Variants in TTBK2 observed in about 807,000 individuals in gnomAD.
The protein encoded by TTBK2 is tau tubulin kinase 2, also known as tau-tubulin kinase 2.
In TTBK2, 28 loss-of-function variants were observed where a neutral mutation model predicts 110.8. The observed-to-expected ratio is 0.25, with a 90% CI of 0.19 to 0.35. The LOEUF (loss-of-function observed/expected upper bound fraction) is 0.35. TTBK2 is among the 10% of genes least tolerant of loss of function. TTBK2 has a pLI of 1.00. For synonymous variants in TTBK2, 532 were observed against 527.3 expected, an observed-to-expected ratio of 1.01 and a Z score of -0.12; for missense variants, 1,369 against 1,500.3, an observed-to-expected ratio of 0.91 and a Z score of 1.45.
At chr15:42,885,686 C>A in intron 1 of TTBK2, among the ~76,000 whole-genome samples, 1 of 152,090 alleles carries the variant, frequency 6.6e-6, no homozygotes, top group South Asian at 2.1e-4. Context: ...GGTGTCTCTA[C>A]CCCTTCTCCA....
Position 42,775,407 on chromosome 15 carries a change from C to T in TTBK2, c.1726G>A (p.Gly576Arg). The T allele has an allele frequency of 6.2e-7, 1 of 1,614,186 alleles. No homozygotes were observed. Among genetic ancestry groups the T allele is most frequent in the Non-Finnish European group, 8.5e-7 (1 of 1,180,036 alleles). Residue 576 changes from glycine to arginine, a missense_variant, in exon 13 of 15, where the codon GGA (glycine) becomes AGA (arginine). Physicochemically the swap from Gly to Arg is moderately radical, Grantham distance 125. This residue lies in a region of TTBK2 where 1,097 missense variants were observed against 1,114.7 expected (regional missense o/e 0.98). Coordinates refer to ENST00000267890, the MANE Select transcript of TTBK2 (RefSeq NM_173500.4). ...TNEAVGHKTT[G>R]SPSDEEPEVL... ...TCAGGCTCCTCATCAGAAGGACTTC[C>T]AGTTGTTTTATGTCCTACAGCCTCA...
chr15:42,764,549 G>C (rs1197458433), intron 13 of TTBK2, among the ~76,000 whole-genome samples: 1 of 152,276 alleles, frequency 6.6e-6, no homozygotes, highest in Non-Finnish European at 1.5e-5. Flanking sequence ...CAGCCTGGCA[G>C]GGGGAGGGGC....
Position 42,899,816 on chromosome 15 carries a change from C to A in TTBK2, c.-68+20622G>T, listed in dbSNP as rs531509330. ...ACTCAGGAGGCTGAGGCAGGAGAAT[C>A]GCTTGAATCCAGGAGGCGGAGGTTG... On this transcript the variant is annotated intron_variant, in intron 1 of 14. Coordinates refer to ENST00000267890, the MANE Select transcript of TTBK2 (RefSeq NM_173500.4). Among the ~76,000 whole-genome samples the A allele has an allele frequency of 7.9e-5, 12 of 150,948 alleles. No homozygotes were observed. The South Asian group carries it at 2.6e-3, about 32-fold the overall frequency.
chr15:42,807,070 G>A (rs1891499805), intron 9 of TTBK2, among the ~76,000 whole-genome samples: 1 of 152,092 alleles, frequency 6.6e-6, no homozygotes, highest in South Asian at 2.1e-4. Context: ...CAGAGTCAGA[G>A]GATCCTACAA....
Position 42,752,077 on chromosome 15 carries a change from C to A in TTBK2, c.3169G>T (p.Val1057Phe), listed in dbSNP as rs749779791. 12 of 1,614,192 alleles carry A rather than the reference C, an allele frequency of 7.4e-6. No individual in the cohort carries two copies. The highest frequency in any genetic ancestry group is 7.6e-6 in the Non-Finnish European group (9 of 1,180,036). Reference sequence around the variant, plus strand: ...ACCTGATCTGTGTTGACCCATGAAACTGGCCTTGGAATTTTGCTCTTTCTA... The same window carrying A: ...ACCTGATCTGTGTTGACCCATGAAAATGGCCTTGGAATTTTGCTCTTTCTA... ...QSRKSKIPRP[V>F]SWVNTDQVNS... is the part of the protein sequence containing the mutation. Residue 1057 changes from valine (V) to phenylalanine (F), a missense_variant, in exon 14 of 15, where the codon GTT becomes TTT. Physicochemically the swap from Val to Phe is conservative, Grantham distance 50. Around this residue, in one of 4 missense-constraint regions of TTBK2, gnomAD observed 1,097 missense variants for 1,114.7 expected, o/e 0.98. Transcript: ENST00000267890.
chr15:42,831,617 A>C (rs1273040725), intron 4 of TTBK2, among the ~76,000 whole-genome samples: 1 of 152,178 alleles, frequency 6.6e-6, no homozygotes, highest in Non-Finnish European at 1.5e-5. Flanking sequence ...TTAATCTGTT[A>C]ATGTAAAGCT....
chr15:42,864,774 T>C (rs1894299573), intron 3 of TTBK2, among the ~76,000 whole-genome samples: 1 of 152,006 alleles, frequency 6.6e-6, no homozygotes, highest in Non-Finnish European at 1.5e-5. Flanking sequence ...TAATATAGGG[T>C]AGAAACCCAG....
In TTBK2 at chr15:42,743,200, C is replaced by T. The variant is rs1352286437; in HGVS notation, c.*2595G>A. 2.6e-5 allele frequency: 4 copies of T among 152,156 alleles called. No individual in the cohort carries two copies. The highest frequency in any genetic ancestry group is 4.8e-5 in the African/African-American group (2 of 41,430). 9.4% of individuals were successfully genotyped at this position (152,156 alleles called of 1,614,324 possible). ...ACATGCAAAATAAAATATTCTTAAACGATGGACTGTTTATCTCTGGATCTT... is the reference window on the plus strand; with the variant it reads ...ACATGCAAAATAAAATATTCTTAAATGATGGACTGTTTATCTCTGGATCTT... On this transcript the variant is annotated 3_prime_UTR_variant, in exon 15 of 15. Transcript: ENST00000267890.
At chr15:42,848,213 T>TC (rs1893547553) in intron 3 of TTBK2, among the ~76,000 whole-genome samples, 1 of 152,172 alleles carries the variant, frequency 6.6e-6, no homozygotes, top group East Asian at 1.9e-4. Context: ...TGATTTTTTT[T>TC]CCAACATTCT....
At chr15:42,916,611 G>A (rs1262036870) in intron 1 of TTBK2, among the ~76,000 whole-genome samples, 1 of 152,218 alleles carries the variant, frequency 6.6e-6, no homozygotes, top group Non-Finnish European at 1.5e-5. Context: ...GATTACACGT[G>A]TGAGCCACCA....
chr15:42,794,861 T>A, intron 9 of TTBK2, 60 bp from the exon 10 acceptor site: 1 of 1,598,138 alleles, frequency 6.3e-7, no homozygotes, highest in Non-Finnish European at 8.6e-7. Context: ...CTTTATTCTA[T>A]AAGAGAAAGC....
chr15:42,851,339 C>G (rs567035514), intron 3 of TTBK2, among the ~76,000 whole-genome samples: 1 of 151,904 alleles, frequency 6.6e-6, no homozygotes, highest in East Asian at 1.9e-4. Context: ...ACAGAAAAAG[C>G]AGAAGAAGCA....
intron 10 of TTBK2, among the ~76,000 whole-genome samples, chr15:42,792,200 C>T (rs1890718946): frequency 6.6e-6 from 1 of 152,116 alleles, no homozygotes; most frequent in Admixed American, 6.5e-5. Context: ...TGAAATGTTC[C>T]CAACACAAAG....
intron 3 of TTBK2, 130 bp from the exon 4 acceptor site, chr15:42,840,563 A>G: frequency 1.1e-6 from 1 of 875,722 alleles, no homozygotes; most frequent in East Asian, 2.5e-5. Flanking sequence ...AGGATAGAAA[A>G]CTTATATTAT....
In TTBK2 at chr15:42,752,428, T is replaced by C. The variant is rs374324347; in HGVS notation, c.2818A>G (p.Thr940Ala). Residue 940 changes from threonine to alanine, a missense_variant, in exon 14 of 15, where the codon ACT (threonine) becomes GCT (alanine). Thr to Ala is a moderately conservative substitution (Grantham distance 58). Around this residue, in one of 4 missense-constraint regions of TTBK2, gnomAD observed 1,097 missense variants for 1,114.7 expected, o/e 0.98. Transcript: ENST00000267890. ...RKDMVRSSFVTRHSRIPVLAQ... is the reference protein window; with the variant it reads ...RKDMVRSSFVARHSRIPVLAQ... ...AAAACAGGGATTCGGCTGTGTCTAG[T>C]TACAAAGGATGACCTAACCATATCC... The C allele has an allele frequency of 3.7e-6, 6 of 1,614,194 alleles. No individual in the cohort carries two copies. The highest frequency in any genetic ancestry group is 5.1e-6 in the Non-Finnish European group (6 of 1,180,036).
chr15:42,870,510 A>G (rs1009104658), intron 3 of TTBK2, among the ~76,000 whole-genome samples: 2 of 152,044 alleles, frequency 1.3e-5, no homozygotes, highest in African/African-American at 2.4e-5. Context: ...TGGTCTATTA[A>G]AAGGAACAAA....
rs772357636 is a variant in TTBK2 at position 42,752,095 on chromosome 15, T to C, written c.3151A>G (p.Ser1051Gly). The C allele has an allele frequency of 1.2e-6, 2 of 1,614,190 alleles. No individual in the cohort carries two copies. The highest frequency in any genetic ancestry group is 2.2e-5 in the East Asian group (1 of 44,872). The change falls in exon 14 of 15, where the codon AGC (serine) becomes GGC (glycine). Residue 1051 changes from serine to glycine, a missense_variant. Coordinates refer to ENST00000267890, the MANE Select transcript of TTBK2 (RefSeq NM_173500.4). The part of the protein sequence containing the change: ...LSPIISQSRK[S>G]KIPRPVSWVN... ...CATGAAACTGGCCTTGGAATTTTGC[T>C]CTTTCTAGACTGGGAGATGATGGGT...
intron 1 of TTBK2, among the ~76,000 whole-genome samples, chr15:42,910,784 G>A (rs2030705303): frequency 6.6e-6 from 1 of 152,170 alleles, no homozygotes; most frequent in South Asian, 2.1e-4. Flanking sequence ...AGTGGCTCAT[G>A]CCTGTAATCC....
intron 13 of TTBK2, among the ~76,000 whole-genome samples, chr15:42,769,887 A>G (rs1889582911): frequency 6.6e-6 from 1 of 152,198 alleles, no homozygotes. Flanking sequence ...GATTAAGAAA[A>G]TGTGGCACAT....
Sources: gnomAD v4.1 joint callset for allele counts (sites outside exome capture counted in the v4.1 genomes callset) on GRCh38, gnomAD v4.1.1 for gene constraint, gnomAD v4.1.1 regional missense constraint, MANE v1.5 for transcripts, NCBI Gene and HGNC (gene_info 2026-07-23, HGNC 2026-07-21) for gene names.